Variants in MEP1A observed in about 807,000 individuals in gnomAD.
MEP1A encodes meprin A subunit alpha, also known as N-benzoyl-L-tyrosyl-P-amino-benzoic acid hydrolase subunit alpha.
In MEP1A, 68 loss-of-function variants were observed where a neutral mutation model predicts 84.5. The observed-to-expected ratio is 0.80, with a 90% CI of 0.66 to 0.98. The LOEUF (loss-of-function observed/expected upper bound fraction) is 0.98, where lower values mean the gene tolerates loss of function less well. Ranked by LOEUF, MEP1A falls within the 50% of genes least tolerant of loss-of-function variation. The pLI, the probability that MEP1A is intolerant of heterozygous loss-of-function variation, is 0.00. For synonymous variants in MEP1A, 337 were observed against 336.8 expected, an observed-to-expected ratio of 1.00 and a Z score of -0.01; for missense variants, 887 against 919.9, an observed-to-expected ratio of 0.96 and a Z score of 0.46.
chr6:46,826,855 G>A (rs1767959499), intron 9 of MEP1A, among the ~76,000 whole-genome samples: 1 of 152,096 alleles, frequency 6.6e-6, no homozygotes, highest in African/African-American at 2.4e-5. Flanking sequence ...TGGCTCTGTG[G>A]CACAATGGAT....
intron 6 of MEP1A, among the ~76,000 whole-genome samples, chr6:46,815,885 T>G (rs1330054459): frequency 6.6e-6 from 1 of 152,208 alleles, no homozygotes; most frequent in Non-Finnish European, 1.5e-5. Flanking sequence ...AGATACAAAT[T>G]AAATACCTAA....
chr6:46,829,528 C>T lies in MEP1A; in HGVS notation c.1101C>T (p.Ser367=). 1 of 1,614,130 alleles carries T rather than the reference C, an allele frequency of 6.2e-7. No homozygotes were observed. The highest frequency in any genetic ancestry group is 8.5e-7 in the Non-Finnish European group (1 of 1,180,018). The change falls in exon 10 of 14, where the codon AGC becomes AGT. Residue 367 remains serine (S), a synonymous_variant. Transcript: ENST00000230588. ...RLVVWVRRDD[S]TGNVRKLVKV... ...TTGTCTGGGTCAGGAGGGATGACAG[C>T]ACAGGCAATGTTCGCAAGTTGGTGA...
At chr6:46,837,117 G>C (rs757713472) in intron 13 of MEP1A, among the ~76,000 whole-genome samples, 2 of 152,110 alleles carry the variant, frequency 1.3e-5, no homozygotes, top group Non-Finnish European at 2.9e-5. Flanking sequence ...ACATCCTGCT[G>C]CAATACTCAC....
At chr6:46,834,898 G>T (rs1313870310) in intron 12 of MEP1A, 147 bp downstream of exon 12, 4 of 632,956 alleles carry the variant, frequency 6.3e-6, no homozygotes, top group Non-Finnish European at 1.1e-5. Context: ...AATTGGTCAA[G>T]GACTCACATC....
chr6:46,833,191 T>C lies in MEP1A; in HGVS notation c.1262T>C (p.Leu421Pro). The change falls in exon 11 of 14, where the codon CTA becomes CCA. Residue 421 changes from leucine (L) to proline (P), a missense_variant. Coordinates refer to ENST00000230588, the MANE Select transcript of MEP1A (RefSeq NM_005588.3). The part of the protein sequence containing the change: ...DPQNSTGGIY[L>P]DDITLTETPC... ...CAGAACTCAACTGGGGGAATTTACCTAGATGACATCACTCTGACAGAAACC... is the reference window on the plus strand; with the variant it reads ...CAGAACTCAACTGGGGGAATTTACCCAGATGACATCACTCTGACAGAAACC... 1 of 1,611,198 alleles carries C rather than the reference T, an allele frequency of 6.2e-7. No homozygotes were observed. Among genetic ancestry groups the C allele is most frequent in the East Asian group, 2.2e-5 (1 of 44,842 alleles).
In MEP1A at chr6:46,803,181, A is replaced by G. The variant is rs1767232676; in HGVS notation, c.262+4000A>G. 4.0e-5 allele frequency among the ~76,000 whole-genome samples: 6 copies of G among 151,734 alleles called. 1 individual carries two copies. In the South Asian group the frequency reaches 1.2e-3, roughly 31 times the overall value. On this transcript the variant is annotated intron_variant, in intron 5 of 13. Transcript: ENST00000230588. ...ATTCACCGATAAAATAAAATAACCA[A>G]GTAATGGAATTTTCTTTGTGGGATA...
At chr6:46,807,788 A>AAAGG (rs1244337980) in intron 5 of MEP1A, among the ~76,000 whole-genome samples, 136 of 130,426 alleles carry the variant, frequency 1.0e-3, no homozygotes, top group African/African-American at 3.8e-3. Flanking sequence ...AGAAAGAAAG[A>AAAGG]AAGAAAGAAA....
At chr6:46,821,436 G>A (rs1191356942) in intron 7 of MEP1A, among the ~76,000 whole-genome samples, 1 of 152,146 alleles carries the variant, frequency 6.6e-6, no homozygotes, top group Non-Finnish European at 1.5e-5. Context: ...CAGACTTCAT[G>A]TACCTATCTC....
chr6:46,817,265 A>G (rs931662816), intron 6 of MEP1A, among the ~76,000 whole-genome samples: 2 of 152,178 alleles, frequency 1.3e-5, no homozygotes, highest in African/African-American at 4.8e-5. Flanking sequence ...TGGTAACTTC[A>G]TTTGCTGAGG....
chr6:46,831,181 A>G (rs1275795343), intron 10 of MEP1A, among the ~76,000 whole-genome samples: 2 of 152,246 alleles, frequency 1.3e-5, no homozygotes, highest in Non-Finnish European at 2.9e-5. Context: ...CAAAAAGGTT[A>G]GTTGAATATC....
chr6:46,814,878 G>T (rs951391298), intron 6 of MEP1A, among the ~76,000 whole-genome samples: 2 of 77,008 alleles, frequency 2.6e-5, no homozygotes, highest in African/African-American at 7.1e-5. Flanking sequence ...GGAGTACAAA[G>T]AGTCTGGTGA....
In MEP1A at chr6:46,819,716, C is replaced by A. The variant is rs200846980; in HGVS notation, c.556+12C>A. On this transcript the variant is annotated intron_variant, in intron 7 of 13. Coordinates refer to ENST00000230588, the MANE Select transcript of MEP1A (RefSeq NM_005588.3). ...CCAAATTCTTTCAGGTGTGATTGGG[C>A]GGAGATTGCTATCACATTTATCACT... 5.0e-6 allele frequency: 8 copies of A among 1,610,348 alleles called. No individual in the cohort carries two copies. The highest frequency in any genetic ancestry group is 1.7e-5 in the Admixed American group (1 of 59,826).
rs1451005819 is a variant in MEP1A, at chr6:46,793,678, A to C, written c.107A>C (p.Asp36Ala). 6.2e-7 allele frequency: 1 copy of C among 1,610,808 alleles called. No individual in the cohort carries two copies. Among genetic ancestry groups the C allele is most frequent in the Non-Finnish European group, 8.5e-7 (1 of 1,177,698 alleles). Residue 36 changes from aspartate (D) to alanine (A), a missense_variant, in exon 3 of 14, where the codon GAT (aspartate) becomes GCT (alanine). Coordinates refer to ENST00000230588, the MANE Select transcript of MEP1A (RefSeq NM_005588.3). ...TCACTTTTAACAGTACATGATGCAG[A>C]TTTTGGTGAACAGAAGGATATTTCA... ...YLPEENVHDA[D>A]FGEQKDISEI...
intron 3 of MEP1A, among the ~76,000 whole-genome samples, chr6:46,797,984 G>T (rs1160327929): frequency 1.1e-4 from 13 of 116,934 alleles, no homozygotes; most frequent in Admixed American, 2.9e-4. Flanking sequence ...TTCTTTTTTT[G>T]TGAGACAGAG....
chr6:46,835,362 G>T lies in MEP1A; in HGVS notation c.1897G>T (p.Ala633Ser), dbSNP rs748398712. ...GGTCTCCGAAGAAGGTTCGGGAAAG[G>T]CCATGTTAGAGGAAGCCCTACCTGT... is the stretch of plus-strand genomic sequence containing the variant. ...QQVSEEGSGK[A>S]MLEEALPVSL... The change falls in exon 13 of 14, where the codon GCC becomes TCC. Residue 633 changes from alanine (A) to serine (S), a missense_variant. By Grantham distance (99) the Ala-to-Ser change is moderately conservative (BLOSUM62 1). Coordinates refer to ENST00000230588, the MANE Select transcript of MEP1A (RefSeq NM_005588.3). 1.2e-6 allele frequency: 2 copies of T among 1,611,768 alleles called. No individual in the cohort carries two copies. Among genetic ancestry groups the T allele is most frequent in the Non-Finnish European group, 1.7e-6 (2 of 1,179,020 alleles).
chr6:46,845,901 T>A, the MEP1A span, among the ~76,000 whole-genome samples: 1 of 152,122 alleles, frequency 6.6e-6, no homozygotes, highest in Non-Finnish European at 1.5e-5. Context: ...TTAACACCAC[T>A]GTTATAGTGC....
chr6:46,807,512 T>TAAATAAAGAAAG (rs1231699927), intron 5 of MEP1A, among the ~76,000 whole-genome samples: 2 of 49,524 alleles, frequency 4.0e-5, no homozygotes, highest in African/African-American at 7.3e-5. Context: ...CCATCTGAAA[T>TAAATAAAGAAAG]AAAGAAAGAA....
chr6:46,798,807 G>A (rs1447118753), intron 4 of MEP1A, among the ~76,000 whole-genome samples, 161 bp downstream of exon 4: 2 of 152,110 alleles, frequency 1.3e-5, no homozygotes, highest in Non-Finnish European at 2.9e-5. Flanking sequence ...TAGTTCCTAA[G>A]GACAAAAACA....
chr6:46,815,627 G>A (rs1176487969), intron 6 of MEP1A, among the ~76,000 whole-genome samples: 1 of 152,004 alleles, frequency 6.6e-6, no homozygotes, highest in African/African-American at 2.4e-5. Context: ...GGCTTTCCTG[G>A]TATGTTCCTG....
Sources: gnomAD v4.1 joint callset for allele counts (sites outside exome capture counted in the v4.1 genomes callset) on GRCh38, gnomAD v4.1.1 for gene constraint, MANE v1.5 for transcripts, NCBI Gene and HGNC (gene_info 2026-07-23, HGNC 2026-07-21) for gene names.